MNAT1: variants seen among roughly 807,000 people sequenced by gnomAD.
MNAT1 encodes the protein MNAT1 component of CDK activating kinase.
Under a neutral mutation model 42.0 loss-of-function variants are expected in MNAT1, and 43 were observed. The ratio of observed to expected loss-of-function variants is 1.02; its 90% CI spans 0.80 to 1.32. The LOEUF (loss-of-function observed/expected upper bound fraction) is 1.32. Among genes scored for constraint, MNAT1 ranks in the 40% most tolerant of loss-of-function variants. The pLI, the probability that MNAT1 is intolerant of heterozygous loss-of-function variation, is 0.00. For missense variants in MNAT1, 306 were observed against 350.4 expected (o/e 0.87, Z 1.01); for synonymous variants, 118 against 120.0 (o/e 0.98, Z 0.11).
chr14:60,940,116 T>C (rs1395685841), intron 7 of MNAT1, among the ~76,000 whole-genome samples: 6 of 152,244 alleles, frequency 3.9e-5, no homozygotes, highest in East Asian at 1.9e-4. Flanking sequence ...TATTTTGAGC[T>C]TATGTGTGTC....
At chr14:60,848,500 A>G (rs2033735419) in intron 6 of MNAT1, among the ~76,000 whole-genome samples, 1 of 152,084 alleles carries the variant, frequency 6.6e-6, no homozygotes, top group Non-Finnish European at 1.5e-5. Flanking sequence ...CTCAAGTTTT[A>G]TATAATTTTC....
chr14:60,905,240 T>C (rs904319419), intron 7 of MNAT1, among the ~76,000 whole-genome samples: 2 of 152,074 alleles, frequency 1.3e-5, no homozygotes, highest in African/African-American at 4.8e-5. Flanking sequence ...CAGTACATTA[T>C]TGAATCTGTT....
At position 60,808,252 on chromosome 14, in the gene MNAT1, A is replaced by G. The variant is rs4151221; in HGVS notation, c.317-73A>G. On this transcript the variant is annotated intron_variant, in intron 3 of 7. Transcript: ENST00000261245. ...AACCTAACAAATGAGTCACTGTGGT[A>G]TTTGTTTTTTATTGTCTACTCAAGA... 98 of 880,598 alleles carry G rather than the reference A, an allele frequency of 1.1e-4. No individual in the cohort carries two copies. In the African/African-American group the frequency reaches 1.7e-3, roughly 15 times the overall value. 54.5% of individuals were successfully genotyped at this position (880,598 alleles called of 1,614,324 possible).
chr14:60,847,359 G>A (rs1454193222), intron 6 of MNAT1, among the ~76,000 whole-genome samples: 5 of 148,118 alleles, frequency 3.4e-5, no homozygotes, highest in Non-Finnish European at 7.4e-5. Flanking sequence ...AGCCAAGATC[G>A]CACCACTGCA....
chr14:60,911,470 A>T lies in MNAT1; in HGVS notation c.809+31635A>T, dbSNP rs145823039. 5.1e-3 allele frequency among the ~76,000 whole-genome samples: 782 copies of T among 151,952 alleles called. 14 individuals are homozygous for T. The highest frequency in any genetic ancestry group is 0.018 in the African/African-American group (733 of 41,436). ...TCTCTTGTGGGCACTTAGTGCTATAAAGTTCCCTCTACACACTGCTTTGAA... is the reference window on the plus strand; with the variant it reads ...TCTCTTGTGGGCACTTAGTGCTATATAGTTCCCTCTACACACTGCTTTGAA... On this transcript the variant is annotated intron_variant, in intron 7 of 7. Coordinates refer to ENST00000261245, the MANE Select transcript of MNAT1 (RefSeq NM_002431.4).
chr14:60,899,213 A>C (rs1478651821), intron 7 of MNAT1, among the ~76,000 whole-genome samples: 1 of 152,174 alleles, frequency 6.6e-6, no homozygotes, highest in African/African-American at 2.4e-5. Flanking sequence ...AAAGATATAG[A>C]TGCACGTACT....
chr14:60,838,775 C>T (rs1344397030), intron 6 of MNAT1, among the ~76,000 whole-genome samples: 2 of 152,046 alleles, frequency 1.3e-5, no homozygotes, highest in Non-Finnish European at 2.9e-5. Flanking sequence ...GGAAGCCCCA[C>T]TGCCCCTCCA....
chr14:60,904,878 G>C (rs2035159983), intron 7 of MNAT1, among the ~76,000 whole-genome samples: 1 of 151,386 alleles, frequency 6.6e-6, no homozygotes, highest in Non-Finnish European at 1.5e-5. Context: ...GAATTCAGTA[G>C]ATCCCGTGGA....
intron 1 of MNAT1, among the ~76,000 whole-genome samples, chr14:60,781,038 T>C (rs1230851852): frequency 6.6e-6 from 1 of 152,200 alleles, no homozygotes. Context: ...AAGTAACTAA[T>C]AATCTATAAA....
At chr14:60,806,117 C>G (rs1352241739) in intron 3 of MNAT1, among the ~76,000 whole-genome samples, 1 of 152,130 alleles carries the variant, frequency 6.6e-6, no homozygotes, top group Non-Finnish European at 1.5e-5. Context: ...ATGAATCAGA[C>G]CTAGAAACTG....
At chr14:60,889,177 T>A (rs1339233629) in intron 7 of MNAT1, among the ~76,000 whole-genome samples, 1 of 152,188 alleles carries the variant, frequency 6.6e-6, no homozygotes, top group African/African-American at 2.4e-5. Flanking sequence ...GCTGGAGGCA[T>A]CACACTACCT....
In MNAT1 at chr14:60,837,709, A is replaced by C. The variant is rs149192054; in HGVS notation, c.687+18862A>C. ...GTTACTTTTAATCAGAGCCTCTCCT[A>C]GATGCTGCCATGGTAGTTTGGAGCC... On this transcript the variant is annotated intron_variant, in intron 6 of 7. Transcript: ENST00000261245. Among the ~76,000 whole-genome samples the C allele has an allele frequency of 5.0e-3, 754 of 152,298 alleles. 10 individuals are homozygous for C. The highest frequency in any genetic ancestry group is 0.016 in the African/African-American group (679 of 41,556).
At position 60,826,307 on chromosome 14, in the gene MNAT1, A is replaced by AT. The variant is rs60838198; in HGVS notation, c.687+7487dup. Among the ~76,000 whole-genome samples, 817 of 119,700 alleles carry AT rather than the reference A, an allele frequency of 6.8e-3. 20 individuals carry two copies. The highest frequency in any genetic ancestry group is 0.024 in the African/African-American group (760 of 32,154). 78.5% of individuals were successfully genotyped at this position (119,700 alleles called of 152,430 possible). A position where few individuals can be genotyped will look rare whatever the true frequency, so the allele number is the denominator to read the frequency against. On this transcript the variant is annotated intron_variant, in intron 6 of 7. Transcript: ENST00000261245. ...ACTATTTTATGCATGAATAGGAGAA[A>AT]TTTTTTTTTTTTTTTTTTTTTTTTT...
intron 7 of MNAT1, among the ~76,000 whole-genome samples, chr14:60,964,386 G>A (rs1033240074): frequency 1.3e-5 from 2 of 152,128 alleles, no homozygotes; most frequent in Non-Finnish European, 2.9e-5. Context: ...GATGTCCTTT[G>A]TACAAGAATT....
rs980474928 is a variant in MNAT1, at chr14:60,885,431, T to G, written c.809+5596T>G. Among the ~76,000 whole-genome samples the G allele has an allele frequency of 2.6e-5, 4 of 152,002 alleles. No individual in the cohort carries two copies. In the East Asian group the frequency reaches 7.7e-4, roughly 29 times the overall value. On this transcript the variant is annotated intron_variant, in intron 7 of 7. Coordinates refer to ENST00000261245, the MANE Select transcript of MNAT1 (RefSeq NM_002431.4). ...TGACTGTATTTTCAAATAGCTTATA[T>G]TCAAGTTCACTCTTCTGCTTAATCA...
At chr14:60,911,446 C>G (rs1374324541) in intron 7 of MNAT1, among the ~76,000 whole-genome samples, 1 of 152,076 alleles carries the variant, frequency 6.6e-6, no homozygotes, top group Non-Finnish European at 1.5e-5. Context: ...TTCCTCCTTT[C>G]TCTTGTGGGC....
rs1403067581 is a variant in MNAT1, at chr14:60,969,584, G to C, written c.*1235G>C. On this transcript the variant is annotated 3_prime_UTR_variant, in exon 8 of 8. Coordinates refer to ENST00000261245, the MANE Select transcript of MNAT1 (RefSeq NM_002431.4). The stretch of plus-strand genomic sequence containing the variant: ...ACAAGTTAGTAAAAAGCCAGAATTA[G>C]AATGCAGGTTTTTTTTTTCAAAGTC... 6.6e-6 allele frequency: 1 copy of C among 152,056 alleles called. No individual in the cohort carries two copies. Among genetic ancestry groups the C allele is most frequent in the Non-Finnish European group, 1.5e-5 (1 of 67,990 alleles). The allele number at this position is 152,056 out of a possible 1,614,324, so 9.4% of individuals were successfully genotyped here. A position where few individuals can be genotyped will look rare whatever the true frequency, so the allele number is the denominator to read the frequency against.
At chr14:60,844,947 A>G (rs990660630) in intron 6 of MNAT1, among the ~76,000 whole-genome samples, 2 of 151,904 alleles carry the variant, frequency 1.3e-5, no homozygotes, top group African/African-American at 4.8e-5. Flanking sequence ...TTAACTTTGC[A>G]TTCTTGTGAT....
At chr14:60,952,273 T>C (rs1231775773) in intron 7 of MNAT1, among the ~76,000 whole-genome samples, 1 of 152,148 alleles carries the variant, frequency 6.6e-6, no homozygotes, top group Non-Finnish European at 1.5e-5. Context: ...CCTTGAATGG[T>C]AGGCTAAGGA....
Sources: gnomAD v4.1 joint callset for allele counts (sites outside exome capture counted in the v4.1 genomes callset) on GRCh38, gnomAD v4.1.1 for gene constraint, MANE v1.5 for transcripts, NCBI Gene and HGNC (gene_info 2026-07-23, HGNC 2026-07-21) for gene names.